The following RXRB variants were observed in gnomAD, a reference collection of about 807,000 sequenced individuals.
RXRB encodes the protein retinoic acid receptor RXR-beta.
In RXRB, 18 loss-of-function variants were observed where a neutral mutation model predicts 52.5. The ratio of observed to expected loss-of-function variants is 0.34; its 90% CI spans 0.24 to 0.51. The LOEUF (loss-of-function observed/expected upper bound fraction) is 0.51, where lower values mean the gene tolerates loss of function less well. RXRB is among the 20% of genes least tolerant of loss of function. The probability of loss-of-function intolerance (pLI) is 0.97; values close to 1 mark genes in which losing one functional copy is unlikely to be tolerated. For missense variants in RXRB, 455 were observed against 698.2 expected (o/e 0.65, Z 3.92); for synonymous variants, 233 against 267.1 (o/e 0.87, Z 1.25).
upstream of RXRB, chr6:33,200,758 T>C: frequency 6.5e-7 from 1 of 1,533,426 alleles, no homozygotes; most frequent in Non-Finnish European, 8.8e-7. This position sits in a 1 kb window ranked among gnomAD's most constrained non-coding sequence, Gnocchi z 6.3. Flanking sequence ...CACCCTCCCC[T>C]CAAATCACCT....
rs1773936793 is a variant in RXRB, at chr6:33,196,811, G to T, written c.821-205C>A. On this transcript the variant is annotated intron_variant, in intron 4 of 9. Coordinates refer to ENST00000374680, the MANE Select transcript of RXRB (RefSeq NM_021976.5). The surrounding 1 kb of genome is among the most constrained non-coding windows in gnomAD (Gnocchi z 4.0). ...CAGGTAAGTCAGTCGGGAAGGGTGA[G>T]GTAGGTAAAAGAATTAGGGAGGAAT... Among the ~76,000 whole-genome samples, 1 of 152,010 alleles carries T rather than the reference G, an allele frequency of 6.6e-6. No individual in the cohort carries two copies. Among genetic ancestry groups the T allele is most frequent in the Non-Finnish European group, 1.5e-5 (1 of 68,018 alleles).
intron 1 of RXRB, chr6:33,199,685 G>C: frequency 2.1e-6 from 1 of 467,388 alleles, no homozygotes; most frequent in Non-Finnish European, 3.9e-6. Flanking sequence ...TGCTATATTT[G>C]ACTGGCTAAA....
rs1440513069 is a variant in RXRB at position 33,197,537 on chromosome 6, C to T, written c.820+225G>A. 3.3e-5 allele frequency among the ~76,000 whole-genome samples: 5 copies of T among 152,172 alleles called. No individual in the cohort carries two copies. Among genetic ancestry groups the T allele is most frequent in the Admixed American group, 6.5e-5 (1 of 15,272 alleles). On this transcript the variant is annotated intron_variant, in intron 4 of 9. Transcript: ENST00000374680. This position sits in a 1 kb window ranked among gnomAD's most constrained non-coding sequence, Gnocchi z 4.4. ...AAAGTTATCCTATCCTAGGATCAGT[C>T]TAGGGAGGGGTCATATGTGCAGGCC...
In RXRB at chr6:33,196,717, T is replaced by C; in HGVS notation, c.821-111A>G. On this transcript the variant is annotated intron_variant, in intron 4 of 9. Transcript: ENST00000374680. This position sits in a 1 kb window ranked among gnomAD's most constrained non-coding sequence, Gnocchi z 4.0. ...GATCTCATGGCCCTTGGGAGATATTTATAGGAATTGGGGAAGTCACTAGAA... is the reference window on the plus strand; with the variant it reads ...GATCTCATGGCCCTTGGGAGATATTCATAGGAATTGGGGAAGTCACTAGAA... 9.9e-7 allele frequency: 1 copy of C among 1,006,248 alleles called. No homozygotes were observed. The allele number at this position is 1,006,248 out of a possible 1,614,324, so 62.3% of individuals were successfully genotyped here.
At position 33,199,348 on chromosome 6, in the gene RXRB, CAGG is replaced by C. The variant is rs1774224738; in HGVS notation, c.301_303del (p.Pro101del). 5 of 1,194,294 alleles carry C rather than the reference CAGG, an allele frequency of 4.2e-6. No homozygotes were observed. The highest frequency in any genetic ancestry group is 5.2e-6 in the Non-Finnish European group (5 of 958,666). 74.0% of individuals were successfully genotyped at this position (1,194,294 alleles called of 1,614,324 possible). On this transcript the variant is annotated inframe_deletion, in exon 2 of 10. Transcript: ENST00000374680. ...GCTGTTGAAGGGGGTAGGGGTGGCC[CAGG>C]AGGAGAAGGGGGAGGGACTCCCTGG... is the stretch of plus-strand genomic sequence containing the variant.
rs1032500151 is a variant in RXRB at position 33,196,052 on chromosome 6, G to A, written c.994-16C>T. 4 of 1,612,916 alleles carry A rather than the reference G, an allele frequency of 2.5e-6. No homozygotes were observed. In the Admixed American group the frequency reaches 5.0e-5, roughly 20 times the overall value. On this transcript the variant is annotated splice_polypyrimidine_tract_variant and intron_variant, in intron 5 of 9. Transcript: ENST00000374680. This position sits in a 1 kb window ranked among gnomAD's most constrained non-coding sequence, Gnocchi z 4.0. ...GGTCATTTGGCTGCAGGGGACGGGG[G>A]TAAGAGTTATGGAAGATTTTGAGAT...
intron 2 of RXRB, 169 bp from the exon 3 acceptor site, chr6:33,198,633 C>T (rs1774112509): frequency 2.7e-6 from 2 of 735,570 alleles, no homozygotes; most frequent in African/African-American, 1.7e-5. Flanking sequence ...AGCACAACCC[C>T]AAAGTGAATA....
Position 33,196,664 on chromosome 6 carries a change from T to C in RXRB, c.821-58A>G. On this transcript the variant is annotated intron_variant, in intron 4 of 9. Coordinates refer to ENST00000374680, the MANE Select transcript of RXRB (RefSeq NM_021976.5). The surrounding 1 kb of genome is among the most constrained non-coding windows in gnomAD (Gnocchi z 4.0). The stretch of plus-strand genomic sequence containing the variant: ...AGTCAGCAGCCAGCCATGAAGGGGT[T>C]CCACAAATATCCTTACGGCCTCATC... The C allele has an allele frequency of 7.1e-7, 1 of 1,413,674 alleles. No homozygotes were observed. The highest frequency in any genetic ancestry group is 9.7e-7 in the Non-Finnish European group (1 of 1,032,366). The allele number at this position is 1,413,674 out of a possible 1,614,324, so 87.6% of individuals were successfully genotyped here.
chr6:33,198,735 T>C (rs1033233467), intron 2 of RXRB: 4 of 591,204 alleles, frequency 6.8e-6, no homozygotes, highest in Admixed American at 2.7e-5. Flanking sequence ...GAAAATCAGA[T>C]AGATGAAAAG....
rs1175192930 is a variant in RXRB at position 33,200,233 on chromosome 6, G to A, written c.235+9C>T. 2 of 1,605,402 alleles carry A rather than the reference G, an allele frequency of 1.2e-6. No homozygotes were observed. The highest frequency in any genetic ancestry group is 2.2e-5 in the South Asian group (2 of 90,640). On this transcript the variant is annotated intron_variant, in intron 1 of 9. Transcript: ENST00000374680. The surrounding 1 kb of genome is among the most constrained non-coding windows in gnomAD (Gnocchi z 6.3). ...ACTGGCTCGCCTGCCCTTCTGCTGG[G>A]GCACTCACCCCGCCCGCTGTCGCCC...
At chr6:33,198,794 A>C (rs1015557345) in intron 2 of RXRB, among the ~76,000 whole-genome samples, 13 of 151,880 alleles carry the variant, frequency 8.6e-5, no homozygotes, top group African/African-American at 3.1e-4. Context: ...GGCACCTGTA[A>C]TCCCAGCTAC....
chr6:33,200,799 T>C, upstream of RXRB: 1 of 1,526,550 alleles, frequency 6.6e-7, no homozygotes, highest in Non-Finnish European at 8.8e-7. This position sits in a 1 kb window ranked among gnomAD's most constrained non-coding sequence, Gnocchi z 6.3. Flanking sequence ...CAGTGCAGGA[T>C]GGATTCGTCG....
upstream of RXRB, chr6:33,200,832 G>A (rs891915191): frequency 6.6e-7 from 1 of 1,511,844 alleles, no homozygotes; most frequent in Non-Finnish European, 8.9e-7. The surrounding 1 kb of genome is among the most constrained non-coding windows in gnomAD (Gnocchi z 6.3). Context: ...CGCCATATTG[G>A]TAAAGGCATT....
Position 33,196,218 on chromosome 6 carries a change from C to T in RXRB, c.994-182G>A. On this transcript the variant is annotated intron_variant, in intron 5 of 9. Coordinates refer to ENST00000374680, the MANE Select transcript of RXRB (RefSeq NM_021976.5). The surrounding 1 kb of genome is among the most constrained non-coding windows in gnomAD (Gnocchi z 4.0). The stretch of plus-strand genomic sequence containing the variant: ...AAACAATTATTTATTTGGGACATGC[C>T]TATGGTTCTGCCAGTGGGTTGTTTG... The T allele has an allele frequency of 4.2e-6, 4 of 944,406 alleles. No individual in the cohort carries two copies. In the South Asian group the frequency reaches 5.7e-5, roughly 13 times the overall value. The allele number at this position is 944,406 out of a possible 1,614,324, so 58.5% of individuals were successfully genotyped here. A position where few individuals can be genotyped will look rare whatever the true frequency, so the allele number is the denominator to read the frequency against.
chr6:33,196,461 A>G lies in RXRB; in HGVS notation c.966T>C (p.Pro322=). 1.2e-6 allele frequency: 2 copies of G among 1,613,020 alleles called. No homozygotes were observed. The highest frequency in any genetic ancestry group is 2.2e-5 in the South Asian group (2 of 91,076). Residue 322 remains proline (P), a synonymous_variant, in exon 5 of 10, where the codon CCT becomes CCC. Transcript: ENST00000374680. This position sits in a 1 kb window ranked among gnomAD's most constrained non-coding sequence, Gnocchi z 4.0. ...TGCTGCCGCTACCCCCGGTTCCCCC[A>G]GGACCCTCAACGCCCTGGTCACTCT... ...EQKSDQGVEG[P]GGTGGSGSSP...
Position 33,195,249 on chromosome 6 carries a change from T to C in RXRB, c.1348+114A>G. 4.9e-6 allele frequency: 4 copies of C among 823,100 alleles called. No homozygotes were observed. The South Asian group carries it at 5.9e-5, about 12-fold the overall frequency. 51.0% of individuals were successfully genotyped at this position (823,100 alleles called of 1,614,324 possible). On this transcript the variant is annotated intron_variant, in intron 8 of 9. Coordinates refer to ENST00000374680, the MANE Select transcript of RXRB (RefSeq NM_021976.5). This position sits in a 1 kb window ranked among gnomAD's most constrained non-coding sequence, Gnocchi z 8.6. ...GGTTTTTCCTCGGCCAGTTGGGAGA[T>C]TTCCAGGTTGAGGGTCTTACTGAGG... is the stretch of plus-strand genomic sequence containing the variant.
rs761503667 is a variant in RXRB at position 33,198,277 on chromosome 6, TCC to T, written c.640+29_640+30del. 15 of 1,612,824 alleles carry T rather than the reference TCC, an allele frequency of 9.3e-6. No individual in the cohort carries two copies. In the South Asian group the frequency reaches 1.5e-4, roughly 17 times the overall value. ...AGGTGATGATACATGGCCCAGACTC[TCC>T]CTCTCTGTTCATCCTCTGAGCCACA... On this transcript the variant is annotated intron_variant, in intron 3 of 9. Transcript: ENST00000374680.
chr6:33,199,367 G>A lies in RXRB; in HGVS notation c.285C>T (p.Val95=). ...GTGGCCCAGGAGGAGAAGGGGGAGGGACTCCCTGGGGAAGGGGATTTGGGG... is the reference window on the plus strand; with the variant it reads ...GTGGCCCAGGAGGAGAAGGGGGAGGAACTCCCTGGGGAAGGGGATTTGGGG... ...SSSPNPLPQG[V]PPPSPPGPPL... Residue 95 remains valine, a synonymous_variant, in exon 2 of 10, where the codon GTC becomes GTT. Transcript: ENST00000374680. 1 of 1,229,924 alleles carries A rather than the reference G, an allele frequency of 8.1e-7. No homozygotes were observed. Among genetic ancestry groups the A allele is most frequent in the Non-Finnish European group, 1.0e-6 (1 of 973,494 alleles). The allele number at this position is 1,229,924 out of a possible 1,614,324, so 76.2% of individuals were successfully genotyped here.
At position 33,196,670 on chromosome 6, in the gene RXRB, A is replaced by G. The variant is rs554553324; in HGVS notation, c.821-64T>C. 5.0e-6 allele frequency: 7 copies of G among 1,404,822 alleles called. No homozygotes were observed. The highest frequency in any genetic ancestry group is 2.1e-5 in the Admixed American group (1 of 47,652). 87.0% of individuals were successfully genotyped at this position (1,404,822 alleles called of 1,614,324 possible). On this transcript the variant is annotated intron_variant, in intron 4 of 9. Transcript: ENST00000374680. The surrounding 1 kb of genome is among the most constrained non-coding windows in gnomAD (Gnocchi z 4.0). ...CAGCCAGCCATGAAGGGGTTCCACA[A>G]ATATCCTTACGGCCTCATCAGGATC...
Sources: allele counts gnomAD v4.1 joint callset (sites outside exome capture counted in the v4.1 genomes callset), GRCh38; gene constraint gnomAD v4.1.1; non-coding constraint Gnocchi (gnomAD v3.1); transcripts MANE v1.5; gene names NCBI Gene and HGNC (gene_info 2026-07-23, HGNC 2026-07-21).